Variants in TPD52L1 observed in about 807,000 individuals in gnomAD.
The protein encoded by TPD52L1 is TPD52 like 1, also known as tumor protein D53.
TPD52L1 carries 18 observed loss-of-function variants against 28.7 expected under a neutral mutation model. The observed-to-expected ratio is 0.63, with a 90% CI of 0.43 to 0.93. The LOEUF is 0.93. Ranked by LOEUF, TPD52L1 falls within the 40% of genes least tolerant of loss-of-function variation. TPD52L1 has a pLI of 0.00. For synonymous variants in TPD52L1, 75 were observed against 88.8 expected (o/e 0.84, Z 0.88); for missense variants, 203 against 254.8 (o/e 0.80, Z 1.39).
chr6:125,234,675 T>C (rs2115000544), intron 3 of TPD52L1, among the ~76,000 whole-genome samples: 1 of 152,280 alleles, frequency 6.6e-6, no homozygotes, highest in East Asian at 1.9e-4. Flanking sequence ...TCAATCAAGG[T>C]ATTAGTATTT....
At chr6:125,225,828 T>C (rs1795572057) in intron 2 of TPD52L1, among the ~76,000 whole-genome samples, 1 of 152,182 alleles carries the variant, frequency 6.6e-6, no homozygotes, top group South Asian at 2.1e-4. Context: ...GCAGTCTGGC[T>C]CCACCAAATC....
At position 125,261,006 on chromosome 6, in the gene TPD52L1, GAAAGAAAGAAAGA is replaced by G. The variant is rs1562411580; in HGVS notation, c.487-1820_487-1808del. ...GAAAAGAAAGAAAGAAAGAAAGAAA[GAAAGAAAGAAAGA>G]AAAGAAAAGAAAGAAAGAAAGAAAG... On this transcript the variant is annotated intron_variant, in intron 6 of 6. Coordinates refer to ENST00000534000, the MANE Select transcript of TPD52L1 (RefSeq NM_003287.4). 40 of 44,312 alleles carry G rather than the reference GAAAGAAAGAAAGA, an allele frequency of 9.0e-4. 6 individuals carry two copies. Among genetic ancestry groups the G allele is most frequent in the African/African-American group, 6.1e-3 (36 of 5,904 alleles). The allele number at this position is 44,312 out of a possible 1,614,324, so 2.7% of individuals were successfully genotyped here.
intron 1 of TPD52L1, among the ~76,000 whole-genome samples, chr6:125,176,420 A>G (rs1791827491): frequency 6.6e-6 from 1 of 152,204 alleles, no homozygotes; most frequent in African/African-American, 2.4e-5. Flanking sequence ...GTACAAATCC[A>G]TTCATCTCCA....
chr6:125,228,752 C>A (rs1466424993), intron 2 of TPD52L1, among the ~76,000 whole-genome samples: 1 of 151,986 alleles, frequency 6.6e-6, no homozygotes, highest in Non-Finnish European at 1.5e-5. Flanking sequence ...AATTTTTGTT[C>A]AAAAATTATG....
intron 1 of TPD52L1, among the ~76,000 whole-genome samples, chr6:125,158,806 G>T (rs1295600917): frequency 1.3e-5 from 2 of 152,176 alleles, no homozygotes; most frequent in East Asian, 3.8e-4. Flanking sequence ...TCACCCCAAA[G>T]AAGTGAATAT....
At chr6:125,253,793 A>G in intron 5 of TPD52L1, 38 bp downstream of exon 5, 2 of 1,543,384 alleles carry the variant, frequency 1.3e-6, no homozygotes, top group Non-Finnish European at 1.8e-6. Context: ...TATTAATATG[A>G]AATGTGTTTA....
At chr6:125,154,727 G>T (rs1790000479) in intron 1 of TPD52L1, among the ~76,000 whole-genome samples, 2 of 152,128 alleles carry the variant, frequency 1.3e-5, no homozygotes, top group Admixed American at 1.3e-4. Flanking sequence ...CAAGAATGGG[G>T]GTAAACGGAC....
At chr6:125,233,776 C>T (rs1412870294) in intron 3 of TPD52L1, among the ~76,000 whole-genome samples, 2 of 152,052 alleles carry the variant, frequency 1.3e-5, no homozygotes, top group Non-Finnish European at 2.9e-5. Flanking sequence ...TAGAAAAATG[C>T]TTTATTTAAG....
rs148818926 is a variant in TPD52L1 at position 125,195,562 on chromosome 6, T to C, written c.20-24516T>C. Among the ~76,000 whole-genome samples the C allele has an allele frequency of 5.1e-4, 78 of 152,300 alleles. 3 individuals are homozygous for C. In the East Asian group the frequency reaches 0.015, roughly 29 times the overall value. On this transcript the variant is annotated intron_variant, in intron 1 of 6. Coordinates refer to ENST00000534000, the MANE Select transcript of TPD52L1 (RefSeq NM_003287.4). ...TAAGATTAAGTAAATTTTAGATCTA[T>C]GGAAAAGGCACTTACGTGAAATTCT...
chr6:125,196,737 T>G (rs1408998969), intron 1 of TPD52L1, among the ~76,000 whole-genome samples: 3 of 152,204 alleles, frequency 2.0e-5, no homozygotes, highest in African/African-American at 7.2e-5. Flanking sequence ...TCTTAGACTC[T>G]CCACCTCACT....
intron 4 of TPD52L1, 34 bp from the exon 5 acceptor site, chr6:125,253,683 C>CT: frequency 6.2e-7 from 1 of 1,602,260 alleles, no homozygotes. Flanking sequence ...CTTCTTTTTT[C>CT]TTTTTTCCCC....
chr6:125,192,047 A>G (rs562042404), intron 1 of TPD52L1, among the ~76,000 whole-genome samples: 3 of 152,196 alleles, frequency 2.0e-5, no homozygotes, highest in Non-Finnish European at 4.4e-5. Context: ...CCAGGGGGGA[A>G]GAAAGCCACG....
chr6:125,236,877 G>C (rs1288940165), intron 3 of TPD52L1, among the ~76,000 whole-genome samples: 1 of 152,112 alleles, frequency 6.6e-6, no homozygotes, highest in African/African-American at 2.4e-5. Flanking sequence ...GGGACCTCTG[G>C]CCTTGACTAG....
At chr6:125,227,064 T>C (rs538519405) in intron 2 of TPD52L1, among the ~76,000 whole-genome samples, 1 of 152,314 alleles carries the variant, frequency 6.6e-6, no homozygotes, top group Admixed American at 6.5e-5. Context: ...TTGATTATAC[T>C]ATGTTTGTAG....
At chr6:125,201,805 A>G (rs572477200) in intron 1 of TPD52L1, among the ~76,000 whole-genome samples, 1 of 152,194 alleles carries the variant, frequency 6.6e-6, no homozygotes, top group Non-Finnish European at 1.5e-5. Flanking sequence ...TGCATATTTT[A>G]TTCTTGCTCA....
intron 5 of TPD52L1, among the ~76,000 whole-genome samples, chr6:125,254,152 A>G (rs555589670): frequency 2.6e-5 from 4 of 152,366 alleles, no homozygotes; most frequent in Admixed American, 6.5e-5. Flanking sequence ...ATTAAATGCT[A>G]GCCTGGGGGC....
chr6:125,188,634 T>G (rs1425422861), intron 1 of TPD52L1, among the ~76,000 whole-genome samples: 6 of 152,198 alleles, frequency 3.9e-5, no homozygotes, highest in Non-Finnish European at 8.8e-5. Flanking sequence ...TTCCAAACAA[T>G]TCCTACTCTC....
At chr6:125,257,183 G>A (rs542114181) in intron 6 of TPD52L1, 25 bp downstream of exon 6, 2 of 1,598,372 alleles carry the variant, frequency 1.3e-6, no homozygotes, top group African/African-American at 1.3e-5. Context: ...AATTCTGTGT[G>A]AGTGGGTCCA....
chr6:125,202,766 CTTTTTT>C (rs55761249), intron 1 of TPD52L1, among the ~76,000 whole-genome samples: 1 of 116,450 alleles, frequency 8.6e-6, no homozygotes, highest in African/African-American at 3.6e-5. Flanking sequence ...GGAGGTTTAT[CTTTTTT>C]TTTTTTTTTT....
Sources: allele counts gnomAD v4.1 joint callset (sites outside exome capture counted in the v4.1 genomes callset), GRCh38; gene constraint gnomAD v4.1.1; transcripts MANE v1.5; gene names NCBI Gene and HGNC (gene_info 2026-07-23, HGNC 2026-07-21).